COL4A3: variants seen among roughly 807,000 people sequenced by gnomAD.
COL4A3 encodes collagen alpha-3(IV) chain.
Under a neutral mutation model 217.4 loss-of-function variants are expected in COL4A3, and 135 were observed. The ratio of observed to expected loss-of-function variants is 0.62; its 90% CI spans 0.54 to 0.72. The LOEUF is 0.72. Ranked by LOEUF, COL4A3 falls within the 30% of genes least tolerant of loss-of-function variation. COL4A3 has a pLI of 0.00. For synonymous variants in COL4A3, 690 were observed against 736.3 expected, an observed-to-expected ratio of 0.94 and a Z score of 1.02; for missense variants, 1,868 against 2,119.9, an observed-to-expected ratio of 0.88 and a Z score of 2.33.
chr2:227,286,782 T>C (rs2072355273), intron 34 of COL4A3, among the ~76,000 whole-genome samples: 1 of 152,238 alleles, frequency 6.6e-6, no homozygotes, highest in African/African-American at 2.4e-5. Context: ...CTTAAAATCT[T>C]TCCAAGGCTC....
intron 1 of COL4A3, chr2:227,227,734 A>G (rs2068176501): frequency 6.6e-6 from 1 of 152,110 alleles, no homozygotes; most frequent in Non-Finnish European, 1.5e-5. Flanking sequence ...ATGAGATAAT[A>G]TGAGACAGCC....
chr2:227,186,001 C>T (rs1330067254), intron 1 of COL4A3, among the ~76,000 whole-genome samples: 1 of 152,198 alleles, frequency 6.6e-6, no homozygotes, highest in African/African-American at 2.4e-5. Context: ...TGGAAGTGTC[C>T]AGATAATGAA....
In COL4A3 at chr2:227,202,893, ATGTG is replaced by A. The variant is rs1350439260; in HGVS notation, c.88-35073_88-35070del. ...TGTGTATATATACATATGTGTATAT[ATGTG>A]TATATATGTGTATATATACATATAT... is the stretch of plus-strand genomic sequence containing the variant. On this transcript the variant is annotated intron_variant, in intron 1 of 51. Coordinates refer to ENST00000396578, the MANE Select transcript of COL4A3 (RefSeq NM_000091.5). Among the ~76,000 whole-genome samples, 25 of 39,530 alleles carry A rather than the reference ATGTG, an allele frequency of 6.3e-4. 1 individual carries two copies. Among genetic ancestry groups the A allele is most frequent in the African/African-American group, 2.8e-3 (19 of 6,724 alleles). 25.9% of individuals were successfully genotyped at this position (39,530 alleles called of 152,430 possible).
Position 227,238,007 on chromosome 2 carries a change from G to T in COL4A3, c.127G>T (p.Gly43Trp), listed in dbSNP as rs13424243. 5.6e-6 allele frequency: 9 copies of T among 1,607,728 alleles called. No individual in the cohort carries two copies. Among genetic ancestry groups the T allele is most frequent in the African/African-American group, 4.0e-5 (3 of 74,696 alleles). ...CKDKGQCFCDGAKGEKGEKGF... is the reference protein window; with the variant it reads ...CKDKGQCFCDWAKGEKGEKGF... ...AGACAAAGGCCAGTGCTTCTGTGACGGGGCCAAAGGGGAGAAGGTAAAAAC... is the reference window on the plus strand; with the variant it reads ...AGACAAAGGCCAGTGCTTCTGTGACTGGGCCAAAGGGGAGAAGGTAAAAAC... The change falls in exon 2 of 52, where the codon GGG becomes TGG. Residue 43 changes from glycine (G) to tryptophan (W), a missense_variant. This residue lies in a region of COL4A3 where 365 missense variants were observed against 333.8 expected (regional missense o/e 1.09). Coordinates refer to ENST00000396578, the MANE Select transcript of COL4A3 (RefSeq NM_000091.5).
At chr2:227,305,126 G>T in intron 47 of COL4A3, 43 bp downstream of exon 47, 1 of 1,550,268 alleles carries the variant, frequency 6.5e-7, no homozygotes, top group South Asian at 1.1e-5. Flanking sequence ...GTGCTATTTC[G>T]ACATACAGAG....
At chr2:227,278,548 A>G (rs2071732875) in intron 28 of COL4A3, among the ~76,000 whole-genome samples, 2 of 152,200 alleles carry the variant, frequency 1.3e-5, no homozygotes, top group African/African-American at 2.4e-5. Flanking sequence ...AGTATTTGAA[A>G]TGGAAAACAT....
At chr2:227,227,537 AAG>A (rs1022846583) in intron 1 of COL4A3, among the ~76,000 whole-genome samples, 1 of 151,946 alleles carries the variant, frequency 6.6e-6, no homozygotes, top group Non-Finnish European at 1.5e-5. Flanking sequence ...CAAAAAAAAA[AAG>A]AAGAAGAAGA....
intron 30 of COL4A3, 79 bp downstream of exon 30, chr2:227,280,669 G>C: frequency 6.7e-7 from 1 of 1,498,306 alleles, no homozygotes; most frequent in Non-Finnish European, 9.3e-7. Flanking sequence ...AGGTGTTCTA[G>C]GCATGAAGAA....
rs1400302139 is a variant in COL4A3, at chr2:227,309,198, T to C, written c.4641-6T>C. The C allele has an allele frequency of 6.2e-7, 1 of 1,614,078 alleles. No homozygotes were observed. Among genetic ancestry groups the C allele is most frequent in the South Asian group, 1.1e-5 (1 of 91,086 alleles). ...ATGCCGCCATAGTCTTTGTTTCATG[T>C]TACAGATGCACTGTTTGTGAAGGTC... is the stretch of plus-strand genomic sequence containing the variant. On this transcript the variant is annotated splice_region_variant and splice_polypyrimidine_tract_variant and intron_variant, in intron 49 of 51. Coordinates refer to ENST00000396578, the MANE Select transcript of COL4A3 (RefSeq NM_000091.5).
rs60244094 is a variant in COL4A3, at chr2:227,208,765, TACACACACAC to T, written c.88-29171_88-29162del. 3.7e-3 allele frequency among the ~76,000 whole-genome samples: 512 copies of T among 138,568 alleles called. 2 individuals are homozygous for T. The highest frequency in any genetic ancestry group is 0.011 in the African/African-American group (417 of 37,148). 90.9% of individuals were successfully genotyped at this position (138,568 alleles called of 152,430 possible). A position where few individuals can be genotyped will look rare whatever the true frequency, so the allele number is the denominator to read the frequency against. ...AAGGTGAACCCATTAGGCGGTTGGT[TACACACACAC>T]ACACACACACACACACACACACACA... On this transcript the variant is annotated intron_variant, in intron 1 of 51. Coordinates refer to ENST00000396578, the MANE Select transcript of COL4A3 (RefSeq NM_000091.5).
At chr2:227,294,710 G>A (rs2072946268) in intron 39 of COL4A3, 140 bp downstream of exon 39, 3 of 728,386 alleles carry the variant, frequency 4.1e-6, no homozygotes, top group Admixed American at 5.1e-5. Context: ...CAAAAAAAAT[G>A]GGGTTAGATA....
intron 19 of COL4A3, among the ~76,000 whole-genome samples, chr2:227,260,757 C>G (rs2125960445): frequency 1.3e-5 from 2 of 152,286 alleles, no homozygotes; most frequent in Admixed American, 1.3e-4. Context: ...AAACTGCTAT[C>G]CTGGATGTTC....
chr2:227,297,720 C>A lies in COL4A3; in HGVS notation c.3612C>A (p.Gly1204=), dbSNP rs777693558. The A allele has an allele frequency of 2.5e-6, 4 of 1,608,568 alleles. No individual in the cohort carries two copies. Among genetic ancestry groups the A allele is most frequent in the Non-Finnish European group, 2.5e-6 (3 of 1,178,100 alleles). The change falls in exon 42 of 52, where the codon GGC becomes GGA. Residue 1204 remains glycine (G), a synonymous_variant. Transcript: ENST00000396578. Reference sequence around the variant, plus strand: ...CCCCAGGTTTTCCTGGCCTCCCGGGCAGAAAAGGGGCCATGGGAGATGCTG... The same window carrying A: ...CCCCAGGTTTTCCTGGCCTCCCGGGAAGAAAAGGGGCCATGGGAGATGCTG... The part of the protein sequence containing the change: ...RGAPGFPGLP[G]RKGAMGDAGP...
At chr2:227,294,351 G>A (rs2072925076) in intron 38 of COL4A3, 139 bp from the exon 39 acceptor site, 1 of 758,230 alleles carries the variant, frequency 1.3e-6, no homozygotes, top group African/African-American at 1.7e-5. Context: ...ACAAAATCAT[G>A]GGGTGACCTT....
chr2:227,266,488 C>T lies in COL4A3; in HGVS notation c.1387C>T (p.Pro463Ser), dbSNP rs781085205. 1 of 1,613,748 alleles carries T rather than the reference C, an allele frequency of 6.2e-7. No homozygotes were observed. Among genetic ancestry groups the T allele is most frequent in the African/African-American group, 1.3e-5 (1 of 74,890 alleles). The change falls in exon 22 of 52, where the codon CCA becomes TCA. Residue 463 changes from proline (P) to serine (S), a missense_variant. Physicochemically the swap from Pro to Ser is moderately conservative, Grantham distance 74 (BLOSUM62 -1). Around this residue, in one of 2 missense-constraint regions of COL4A3, gnomAD observed 1,503 missense variants for 1,786.1 expected, o/e 0.84. Transcript: ENST00000396578. ...AGGCTATCTAGGGTCTCCAGGAATC[C>T]CAGGAGTTGATGGGCCCAAAGGTTG... is the stretch of plus-strand genomic sequence containing the variant. ...LPGYLGSPGIPGVDGPKGEPG... is the reference protein window; with the variant it reads ...LPGYLGSPGISGVDGPKGEPG...
At chr2:227,277,262 T>C (rs1361115935) in intron 27 of COL4A3, among the ~76,000 whole-genome samples, 187 bp from the exon 28 acceptor site, 1 of 145,778 alleles carries the variant, frequency 6.9e-6, no homozygotes, top group African/African-American at 2.6e-5. Flanking sequence ...GAGCTTGCAA[T>C]GAGCTGAGAT....
At chr2:227,298,463 C>A (rs1286324922) in intron 42 of COL4A3, among the ~76,000 whole-genome samples, 1 of 152,210 alleles carries the variant, frequency 6.6e-6, no homozygotes, top group Non-Finnish European at 1.5e-5. Flanking sequence ...CTGTAACAGA[C>A]CCTCACTGGG....
intron 1 of COL4A3, among the ~76,000 whole-genome samples, chr2:227,189,411 G>A (rs527795886): frequency 5.3e-5 from 8 of 152,136 alleles, no homozygotes; most frequent in Non-Finnish European, 1.0e-4. Flanking sequence ...AAGGAACACA[G>A]TGACCAAGAG....
At chr2:227,268,636 T>C (rs1337408288) in intron 23 of COL4A3, 1 of 152,188 alleles carries the variant, frequency 6.6e-6, no homozygotes, top group Non-Finnish European at 1.5e-5. Flanking sequence ...ACTTCTCCTT[T>C]ATGAAGGCCT....
Sources: allele counts gnomAD v4.1 joint callset (sites outside exome capture counted in the v4.1 genomes callset), GRCh38; gene constraint gnomAD v4.1.1; regional missense constraint gnomAD v4.1.1; transcripts MANE v1.5; gene names NCBI Gene and HGNC (gene_info 2026-07-23, HGNC 2026-07-21).